KCTD16: variants seen among roughly 807,000 people sequenced by gnomAD.
KCTD16 encodes the protein BTB/POZ domain-containing protein KCTD16.
In KCTD16, 13 loss-of-function variants were observed where a neutral mutation model predicts 33.2. That is an observed-to-expected ratio of 0.39 (90% CI 0.25 to 0.62). The LOEUF is 0.62. KCTD16 is among the 20% of genes least tolerant of loss of function. The pLI, the probability that KCTD16 is intolerant of heterozygous loss-of-function variation, is 0.50. For missense variants in KCTD16, 441 were observed against 525.1 expected (o/e 0.84, Z 1.57); for synonymous variants, 197 against 195.3 (o/e 1.01, Z -0.07).
intron 3 of KCTD16, among the ~76,000 whole-genome samples, chr5:144,272,382 GT>G (rs1423047615): frequency 6.6e-6 from 1 of 151,996 alleles, no homozygotes; most frequent in Non-Finnish European, 1.5e-5. Context: ...GTGAGCTGAG[GT>G]TGCACCATTG....
intron 3 of KCTD16, among the ~76,000 whole-genome samples, chr5:144,410,275 G>A (rs1752903530): frequency 1.3e-5 from 2 of 152,186 alleles, no homozygotes; most frequent in South Asian, 4.1e-4. Context: ...AAAAGGTCCA[G>A]AATAGGATAC....
At chr5:144,371,724 A>T (rs145624380) in intron 3 of KCTD16, among the ~76,000 whole-genome samples, 17 of 152,134 alleles carry the variant, frequency 1.1e-4, no homozygotes, top group Admixed American at 1.1e-3. Flanking sequence ...AGGGCTTGAA[A>T]TTCATCTTGG....
chr5:144,438,490 T>C (rs996011457), intron 3 of KCTD16, among the ~76,000 whole-genome samples: 2 of 152,202 alleles, frequency 1.3e-5, no homozygotes, highest in African/African-American at 4.8e-5. Flanking sequence ...GACAAGTTCC[T>C]ATTTCATAGT....
chr5:144,227,891 A>G (rs1397830315), intron 3 of KCTD16, among the ~76,000 whole-genome samples: 3 of 152,238 alleles, frequency 2.0e-5, no homozygotes, highest in African/African-American at 4.8e-5. Context: ...AGCTTAAGCA[A>G]TTTGGAAGAA....
rs138218015 is a variant in KCTD16, at chr5:144,270,756, A to G, written c.832+63210A>G. On this transcript the variant is annotated intron_variant, in intron 3 of 3. Transcript: ENST00000512467. ...AAAAGTTGGTTATTTGAAAAGATCA[A>G]TAAAATTGGCAAACCTTTAGCTAAG... 2.7e-3 allele frequency among the ~76,000 whole-genome samples: 416 copies of G among 151,950 alleles called. 2 individuals are homozygous for G. Among genetic ancestry groups the G allele is most frequent in the Middle Eastern group, 0.01 (3 of 292 alleles).
At chr5:144,338,736 T>G (rs1752553625) in intron 3 of KCTD16, among the ~76,000 whole-genome samples, 1 of 152,090 alleles carries the variant, frequency 6.6e-6, no homozygotes, top group African/African-American at 2.4e-5. Context: ...GATCATGTAC[T>G]TGGAGTGAAG....
chr5:144,294,931 G>A (rs1413521968), intron 3 of KCTD16, among the ~76,000 whole-genome samples: 1 of 152,158 alleles, frequency 6.6e-6, no homozygotes, highest in African/African-American at 2.4e-5. Flanking sequence ...TATTTATAAT[G>A]TGCATCTGCC....
intron 3 of KCTD16, among the ~76,000 whole-genome samples, chr5:144,464,983 G>C (rs1754288476): frequency 6.6e-6 from 1 of 152,142 alleles, no homozygotes; most frequent in African/African-American, 2.4e-5. Flanking sequence ...GTGATGGAAG[G>C]TTACCCTTTC....
chr5:144,342,573 C>A (rs906824002), intron 3 of KCTD16, among the ~76,000 whole-genome samples: 25 of 152,146 alleles, frequency 1.6e-4, no homozygotes, highest in Admixed American at 1.6e-3. Flanking sequence ...CCTTTATTTC[C>A]TTCTCCTGCC....
At chr5:144,236,877 G>A (rs1052493977) in intron 3 of KCTD16, among the ~76,000 whole-genome samples, 4 of 152,096 alleles carry the variant, frequency 2.6e-5, no homozygotes, top group African/African-American at 9.7e-5. Flanking sequence ...TGGGCTGGGT[G>A]ATCTTGAGTA....
At chr5:144,344,284 A>C (rs1752724417) in intron 3 of KCTD16, among the ~76,000 whole-genome samples, 1 of 151,898 alleles carries the variant, frequency 6.6e-6, no homozygotes, top group Non-Finnish European at 1.5e-5. Context: ...ATTACCATTC[A>C]GGACATAGGC....
chr5:144,357,901 C>T (rs998850680), intron 3 of KCTD16, among the ~76,000 whole-genome samples: 7 of 151,890 alleles, frequency 4.6e-5, no homozygotes, highest in Non-Finnish European at 1.0e-4. Flanking sequence ...ACATAGAATG[C>T]TTTTAATTAA....
chr5:144,382,529 T>C (rs1752239558), intron 3 of KCTD16, among the ~76,000 whole-genome samples: 1 of 152,180 alleles, frequency 6.6e-6, no homozygotes, highest in African/African-American at 2.4e-5. Context: ...TAGTTAGTTG[T>C]TCCATACTCA....
intron 3 of KCTD16, among the ~76,000 whole-genome samples, chr5:144,395,133 C>G (rs1035381809): frequency 6.6e-6 from 1 of 152,142 alleles, no homozygotes; most frequent in African/African-American, 2.4e-5. Context: ...TAGAAGCCCT[C>G]CATGTGATTC....
intron 3 of KCTD16, among the ~76,000 whole-genome samples, chr5:144,406,780 G>A (rs1752817769): frequency 6.6e-6 from 1 of 152,182 alleles, no homozygotes; most frequent in African/African-American, 2.4e-5. Context: ...AGACAGTGGA[G>A]ATTCCAACTA....
At chr5:144,254,069 T>G (rs924021766) in intron 3 of KCTD16, among the ~76,000 whole-genome samples, 4 of 152,168 alleles carry the variant, frequency 2.6e-5, no homozygotes, top group African/African-American at 2.4e-5. Flanking sequence ...GACCCGTGTA[T>G]CTAAGGCCTG....
chr5:144,467,849 C>G (rs1754381966), intron 3 of KCTD16, among the ~76,000 whole-genome samples: 6 of 152,142 alleles, frequency 3.9e-5, no homozygotes, highest in Admixed American at 3.9e-4. Flanking sequence ...TCCAAACACA[C>G]CCCTTTATAC....
intron 3 of KCTD16, among the ~76,000 whole-genome samples, chr5:144,371,353 G>C (rs1421875086): frequency 6.6e-6 from 1 of 152,090 alleles, no homozygotes; most frequent in African/African-American, 2.4e-5. Flanking sequence ...AAAGGAAATT[G>C]TCCCTGTTTG....
At chr5:144,295,838 G>A (rs1756020540) in intron 3 of KCTD16, among the ~76,000 whole-genome samples, 1 of 152,148 alleles carries the variant, frequency 6.6e-6, no homozygotes, top group Non-Finnish European at 1.5e-5. Flanking sequence ...TGAAACTGGA[G>A]GATGAGAGCC....
Sources: allele counts gnomAD v4.1 joint callset (sites outside exome capture counted in the v4.1 genomes callset), GRCh38; gene constraint gnomAD v4.1.1; transcripts MANE v1.5; gene names NCBI Gene and HGNC (gene_info 2026-07-23, HGNC 2026-07-21).